GLG1: variants seen among roughly 807,000 people sequenced by gnomAD.
The protein encoded by GLG1 is golgi glycoprotein 1.
In GLG1, 38 loss-of-function variants were observed where a neutral mutation model predicts 160.5. The ratio of observed to expected loss-of-function variants is 0.24; its 90% confidence interval spans 0.18 to 0.31. The LOEUF (loss-of-function observed/expected upper bound fraction) is 0.31, where lower values mean the gene tolerates loss of function less well. Among genes scored for constraint, GLG1 ranks in the 10% least tolerant of loss-of-function variants. The pLI is 1.00. For synonymous variants in GLG1, 644 were observed against 543.4 expected (o/e 1.19, Z -2.57); for missense variants, 1,373 against 1,505.2 (o/e 0.91, Z 1.45).
At chr16:74,548,772 G>A (rs2018118355) in intron 1 of GLG1, among the ~76,000 whole-genome samples, 1 of 152,128 alleles carries the variant, frequency 6.6e-6, no homozygotes, top group Non-Finnish European at 1.5e-5. Context: ...GAGACAAGCG[G>A]ATCACATAAG....
chr16:74,490,748 A>T (rs974448894), intron 8 of GLG1, among the ~76,000 whole-genome samples: 2 of 152,194 alleles, frequency 1.3e-5, no homozygotes, highest in African/African-American at 2.4e-5. Context: ...AACTCTAGCA[A>T]ATAATGCATT....
intron 2 of GLG1, among the ~76,000 whole-genome samples, chr16:74,530,802 T>A (rs557234478): frequency 4.1e-4 from 63 of 152,220 alleles, no homozygotes; most frequent in Admixed American, 1.2e-3. Flanking sequence ...TTATCAAATT[T>A]TTGATATTTG....
In GLG1 at chr16:74,463,400, T is replaced by C; in HGVS notation, c.2747A>G (p.Lys916Arg). 6.2e-7 allele frequency: 1 copy of C among 1,614,078 alleles called. No homozygotes were observed. The highest frequency in any genetic ancestry group is 8.5e-7 in the Non-Finnish European group (1 of 1,179,906). Residue 916 changes from lysine (K) to arginine (R), a missense_variant, in exon 20 of 26, where the codon AAA (lysine) becomes AGA (arginine). This residue lies in a region of GLG1 where 491 missense variants were observed against 632.1 expected (regional missense o/e 0.78). Transcript: ENST00000422840. ...QNKNSELMDPKCKQMITKRQI... is the reference protein window; with the variant it reads ...QNKNSELMDPRCKQMITKRQI... ...GCGCTTGGTTATCATCTGTTTGCATTTGGGATCCATCAATTCACTGTTTTT... is the reference window on the plus strand; with the variant it reads ...GCGCTTGGTTATCATCTGTTTGCATCTGGGATCCATCAATTCACTGTTTTT...
At chr16:74,491,398 A>G (rs2015980233) in intron 7 of GLG1, among the ~76,000 whole-genome samples, 183 bp from the exon 8 acceptor site, 1 of 152,188 alleles carries the variant, frequency 6.6e-6, no homozygotes, top group African/African-American at 2.4e-5. Context: ...TAGACTCCAG[A>G]TATTCAGGCT....
chr16:74,540,429 A>G (rs1020176619), intron 1 of GLG1, among the ~76,000 whole-genome samples: 1 of 151,876 alleles, frequency 6.6e-6, no homozygotes, highest in African/African-American at 2.4e-5. Flanking sequence ...AGGTGCTCAT[A>G]AACTATAGGA....
intron 4 of GLG1, among the ~76,000 whole-genome samples, chr16:74,503,236 C>G (rs1048916060): frequency 3.9e-5 from 6 of 151,966 alleles, no homozygotes; most frequent in African/African-American, 1.5e-4. Context: ...ACTCAGGTCT[C>G]TCCTTTGCCA....
chr16:74,560,135 GT>G (rs534055386), intron 1 of GLG1, among the ~76,000 whole-genome samples: 24 of 152,220 alleles, frequency 1.6e-4, no homozygotes, highest in Non-Finnish European at 2.5e-4. Flanking sequence ...CTACGGTGCT[GT>G]TTTTGGATGA....
chr16:74,506,116 G>C (rs1380942097), intron 3 of GLG1, among the ~76,000 whole-genome samples: 2 of 96,542 alleles, frequency 2.1e-5, no homozygotes, highest in Non-Finnish European at 4.1e-5. Context: ...GAACAAAACA[G>C]ACTTAAGTTT....
intron 1 of GLG1, among the ~76,000 whole-genome samples, chr16:74,546,083 C>A (rs1306582914): frequency 6.6e-6 from 1 of 152,162 alleles, no homozygotes; most frequent in Non-Finnish European, 1.5e-5. Context: ...CAGATCTTAC[C>A]ATAGTATCTT....
intron 9 of GLG1, among the ~76,000 whole-genome samples, chr16:74,484,938 G>C (rs1454429130): frequency 6.6e-6 from 1 of 151,992 alleles, no homozygotes; most frequent in East Asian, 1.9e-4. Context: ...TTTTGAGACA[G>C]GGTTTTGCTC....
intron 4 of GLG1, among the ~76,000 whole-genome samples, chr16:74,502,423 A>C (rs114838526): frequency 4.9e-4 from 74 of 152,358 alleles, no homozygotes; most frequent in African/African-American, 1.7e-3. Flanking sequence ...TTCTGAGATG[A>C]AGATTAATAA....
intron 2 of GLG1, among the ~76,000 whole-genome samples, chr16:74,510,472 A>G (rs2016768334): frequency 6.6e-6 from 1 of 152,218 alleles, no homozygotes; most frequent in African/African-American, 2.4e-5. Flanking sequence ...CAATTTCTGA[A>G]ACTAAGCAAA....
intron 3 of GLG1, among the ~76,000 whole-genome samples, chr16:74,506,447 T>C (rs1418041745): frequency 6.6e-6 from 1 of 150,876 alleles, no homozygotes; most frequent in African/African-American, 2.4e-5. Context: ...CCATGTGTGG[T>C]AGCAGGTGCC....
chr16:74,599,418 T>G (rs910940898), intron 1 of GLG1, among the ~76,000 whole-genome samples: 9 of 152,140 alleles, frequency 5.9e-5, no homozygotes, highest in African/African-American at 2.2e-4. Flanking sequence ...GCTGGAAGAA[T>G]CTTAAGAGAT....
At chr16:74,456,785 C>T (rs1319224923) in intron 24 of GLG1, 30 bp from the exon 25 acceptor site, 3 of 1,284,332 alleles carry the variant, frequency 2.3e-6, no homozygotes. Context: ...ATAAGAAGAA[C>T]CTGAAACTGT....
At chr16:74,490,950 C>T (rs917584486) in intron 8 of GLG1, 51 bp downstream of exon 8, 1 of 1,310,710 alleles carries the variant, frequency 7.6e-7, no homozygotes, top group African/African-American at 1.4e-5. Flanking sequence ...GGAAGAGGCT[C>T]TTCAGCTGAT....
intron 2 of GLG1, among the ~76,000 whole-genome samples, chr16:74,509,459 A>T (rs2016729539): frequency 6.6e-6 from 1 of 152,016 alleles, no homozygotes; most frequent in Admixed American, 6.6e-5. Context: ...TCAGTCTCAG[A>T]TCTCACAATC....
At chr16:74,506,497 G>A (rs980153541) in intron 3 of GLG1, among the ~76,000 whole-genome samples, 2 of 146,982 alleles carry the variant, frequency 1.4e-5, no homozygotes, top group Admixed American at 1.4e-4. Context: ...CAGGAGAATG[G>A]CATGAACCTG....
intron 1 of GLG1, among the ~76,000 whole-genome samples, chr16:74,602,594 C>A (rs1429912598): frequency 6.6e-6 from 1 of 151,990 alleles, no homozygotes; most frequent in African/African-American, 2.4e-5. Context: ...CTAGCCTGGC[C>A]AATATAGTGA....
Sources: gnomAD v4.1 joint callset for allele counts (sites outside exome capture counted in the v4.1 genomes callset) on GRCh38, gnomAD v4.1.1 for gene constraint, gnomAD v4.1.1 regional missense constraint, MANE v1.5 for transcripts, NCBI Gene and HGNC (gene_info 2026-07-23, HGNC 2026-07-21) for gene names.